SAMTOR: variants seen among roughly 807,000 people sequenced by gnomAD.
SAMTOR encodes UPF0532 protein C7orf60.
At chr7:112,867,292 T>C in the SAMTOR span, among the ~76,000 whole-genome samples, 4 of 152,190 alleles carry the variant, frequency 2.6e-5, no homozygotes, top group Admixed American at 1.3e-4. Flanking sequence ...GGACACGTAA[T>C]TGAAAAGCTA....
the SAMTOR span, among the ~76,000 whole-genome samples, chr7:112,877,557 T>C: frequency 1.3e-5 from 2 of 152,166 alleles, no homozygotes; most frequent in African/African-American, 4.8e-5. Context: ...GTAAAAGAAC[T>C]ATGGTTTTCA....
chr7:112,924,209 A>G, the SAMTOR span, among the ~76,000 whole-genome samples: 348 of 151,920 alleles, frequency 2.3e-3, 1 homozygote, highest in Middle Eastern at 0.017. Flanking sequence ...TAAAAAAAAG[A>G]AAAAAAACTA....
the SAMTOR span, among the ~76,000 whole-genome samples, chr7:112,827,750 C>T: frequency 2.6e-5 from 4 of 152,136 alleles, no homozygotes; most frequent in Non-Finnish European, 1.5e-5. Flanking sequence ...GAGACAGGGT[C>T]TCCCTCTGTT....
chr7:112,865,839 C>T, the SAMTOR span, among the ~76,000 whole-genome samples: 1 of 145,342 alleles, frequency 6.9e-6, no homozygotes, highest in South Asian at 2.2e-4. Flanking sequence ...TATCTATATA[C>T]ATATATTTGC....
the SAMTOR span, chr7:112,819,406 T>A: frequency 6.6e-6 from 1 of 152,184 alleles, no homozygotes; most frequent in Non-Finnish European, 1.5e-5. Flanking sequence ...AATGAAATAA[T>A]TCTTAGGAGT....
the SAMTOR span, among the ~76,000 whole-genome samples, chr7:112,871,765 T>C: frequency 3.9e-5 from 6 of 152,146 alleles, no homozygotes; most frequent in South Asian, 1.0e-3. Context: ...AGACCACTAG[T>C]TAAACAAACA....
At chr7:112,857,249 G>A in the SAMTOR span, among the ~76,000 whole-genome samples, 2 of 150,290 alleles carry the variant, frequency 1.3e-5, no homozygotes, top group South Asian at 2.1e-4. Flanking sequence ...CCACCACCGC[G>A]CCCGGCTAAT....
At chr7:112,832,801 A>C in the SAMTOR span, 1 of 600,258 alleles carries the variant, frequency 1.7e-6, no homozygotes. Flanking sequence ...TGACGGCCCC[A>C]ATGAGCTTTC....
chr7:112,859,514 T>C, the SAMTOR span, among the ~76,000 whole-genome samples: 1 of 152,186 alleles, frequency 6.6e-6, no homozygotes, highest in Non-Finnish European at 1.5e-5. Flanking sequence ...AGTGTATTCC[T>C]TCAGGCAGGT....
chr7:112,822,108 C>G, the SAMTOR span: 6 of 1,613,588 alleles, frequency 3.7e-6, no homozygotes, highest in Non-Finnish European at 5.1e-6. Context: ...CATAGCATGA[C>G]GGTTCTGATG....
chr7:112,904,256 T>C, the SAMTOR span, among the ~76,000 whole-genome samples: 6 of 152,024 alleles, frequency 3.9e-5, no homozygotes, highest in Non-Finnish European at 4.4e-5. Flanking sequence ...TAATTATACA[T>C]GGAATAGTCA....
chr7:112,919,132 C>A, the SAMTOR span, among the ~76,000 whole-genome samples: 1 of 152,178 alleles, frequency 6.6e-6, no homozygotes, highest in Admixed American at 6.5e-5. Context: ...CACCCCAAAT[C>A]AACAGAATAT....
At chr7:112,867,170 G>C in the SAMTOR span, among the ~76,000 whole-genome samples, 1 of 152,190 alleles carries the variant, frequency 6.6e-6, no homozygotes, top group Non-Finnish European at 1.5e-5. Context: ...AATTAAAATA[G>C]TGTCAGGGAT....
At chr7:112,876,403 C>T in the SAMTOR span, among the ~76,000 whole-genome samples, 1 of 152,130 alleles carries the variant, frequency 6.6e-6, no homozygotes, top group African/African-American at 2.4e-5. Context: ...CCAAACCATA[C>T]TAAACTTCCC....
chr7:112,820,147 T>C, the SAMTOR span: 1 of 152,530 alleles, frequency 6.6e-6, no homozygotes, highest in Non-Finnish European at 1.5e-5. Flanking sequence ...ATTACAATCT[T>C]GTTACTTTCA....
the SAMTOR span, among the ~76,000 whole-genome samples, chr7:112,902,543 A>G: frequency 6.6e-6 from 1 of 151,840 alleles, no homozygotes. Context: ...GTATAATACT[A>G]TAATGGAGGA....
the SAMTOR span, among the ~76,000 whole-genome samples, chr7:112,833,293 G>A: frequency 6.6e-6 from 1 of 152,100 alleles, no homozygotes; most frequent in African/African-American, 2.4e-5. Context: ...CACACTACTA[G>A]TCATTCTTAC....
chr7:112,934,056 T>C, the SAMTOR span, among the ~76,000 whole-genome samples: 1 of 152,194 alleles, frequency 6.6e-6, no homozygotes, highest in African/African-American at 2.4e-5. Flanking sequence ...TTGAGGACTT[T>C]AGGCTGTCAC....
chr7:112,915,361 C>G, the SAMTOR span: 1 of 1,613,394 alleles, frequency 6.2e-7, no homozygotes, highest in Non-Finnish European at 8.5e-7. Context: ...CAATGATTAT[C>G]TGCCAAATTT....
Sources: gnomAD v4.1 joint callset for allele counts (sites outside exome capture counted in the v4.1 genomes callset) on GRCh38, gnomAD v4.1.1 for gene constraint, MANE v1.5 for transcripts, NCBI Gene and HGNC (gene_info 2026-07-23, HGNC 2026-07-21) for gene names.